Variants in ABCC9 observed in about 807,000 individuals in gnomAD.
ABCC9 encodes the protein ATP binding cassette subfamily C member 9, also known as ATP-binding cassette sub-family C member 9.
A neutral mutation model predicts 188.3 loss-of-function variants in ABCC9; 95 were observed. The ratio of observed to expected loss-of-function variants is 0.50; its 90% CI spans 0.43 to 0.60. The LOEUF is 0.60. ABCC9 is among the 20% of genes least tolerant of loss of function. The pLI, the probability that ABCC9 is intolerant of heterozygous loss-of-function variation, is 0.00. For missense variants in ABCC9, 1,102 were observed against 1,876.3 expected (o/e 0.59, Z 7.62); for synonymous variants, 659 against 652.7 (o/e 1.01, Z -0.15).
intron 24 of ABCC9, among the ~76,000 whole-genome samples, chr12:21,848,606 G>A (rs964225764): frequency 6.6e-6 from 1 of 152,120 alleles, no homozygotes; most frequent in Non-Finnish European, 1.5e-5. Flanking sequence ...TCTAATTAAG[G>A]ATTCATTCAT....
chr12:21,835,269 C>T (rs895673381), intron 30 of ABCC9, among the ~76,000 whole-genome samples: 5 of 152,124 alleles, frequency 3.3e-5, no homozygotes, highest in African/African-American at 1.2e-4. Flanking sequence ...ATCTGGACAC[C>T]TAGTATGTAA....
chr12:21,845,449 T>G (rs1030178841), intron 26 of ABCC9, among the ~76,000 whole-genome samples, 154 bp downstream of exon 26: 2 of 152,136 alleles, frequency 1.3e-5, no homozygotes, highest in African/African-American at 4.8e-5. Context: ...TGATAGTTTA[T>G]TCTATTTCAG....
At chr12:21,820,340 C>T (rs1173923379) in intron 31 of ABCC9, among the ~76,000 whole-genome samples, 1 of 151,986 alleles carries the variant, frequency 6.6e-6, no homozygotes, top group Non-Finnish European at 1.5e-5. Flanking sequence ...TCATTAACTT[C>T]TATTCTCTAC....
intron 7 of ABCC9, among the ~76,000 whole-genome samples, chr12:21,915,446 A>G (rs12368774): frequency 9.3e-6 from 1 of 107,508 alleles, no homozygotes. Flanking sequence ...ATGTGTATAT[A>G]TGTATATATG....
chr12:21,890,249 A>C (rs1173551249), intron 14 of ABCC9, among the ~76,000 whole-genome samples: 1 of 152,126 alleles, frequency 6.6e-6, no homozygotes, highest in Non-Finnish European at 1.5e-5. Flanking sequence ...TGTGCATGTA[A>C]TGACCCGCTT....
intron 5 of ABCC9, among the ~76,000 whole-genome samples, chr12:21,920,056 C>T (rs1381941007): frequency 1.3e-5 from 2 of 151,950 alleles, no homozygotes; most frequent in Non-Finnish European, 2.9e-5. Context: ...ACTTTAATAA[C>T]ACCCTGAGTA....
chr12:21,871,277 G>T (rs1946060194), intron 18 of ABCC9, among the ~76,000 whole-genome samples: 1 of 152,158 alleles, frequency 6.6e-6, no homozygotes, highest in African/African-American at 2.4e-5. Context: ...GAGGATAGTG[G>T]CAGGGGAAAC....
chr12:21,817,423 A>C, intron 32 of ABCC9, 116 bp from the exon 33 acceptor site: 1 of 922,254 alleles, frequency 1.1e-6, no homozygotes, highest in East Asian at 2.6e-5. Context: ...GTGTGATACA[A>C]CTCATAAGTG....
chr12:21,870,904 A>C (rs1946040292), intron 18 of ABCC9, among the ~76,000 whole-genome samples: 4 of 152,228 alleles, frequency 2.6e-5, no homozygotes, highest in Admixed American at 2.6e-4. Flanking sequence ...GCATCCTCAC[A>C]TCATTTCTTT....
chr12:21,805,854 T>G (rs1013627682), intron 39 of ABCC9, 144 bp downstream of exon 39: 9 of 790,834 alleles, frequency 1.1e-5, no homozygotes, highest in African/African-American at 1.7e-5. Context: ...CATCTTCGTA[T>G]TTTTTTTCTT....
rs760680023 is a variant in ABCC9, at chr12:21,906,199, G to A, written c.1545C>T (p.Cys515=). The A allele has an allele frequency of 3.2e-5, 51 of 1,612,984 alleles. No individual in the cohort carries two copies. Among genetic ancestry groups the A allele is most frequent in the Non-Finnish European group, 1.6e-5 (19 of 1,179,382 alleles). The change falls in exon 12 of 40, where the codon TGC becomes TGT. Residue 515 remains cysteine, a synonymous_variant. Transcript: ENST00000261200. ...LKLYAWEHIF[C]KSVEETRMKE... ...TCATTCTTGTTTCCTCCACACTTTT[G>A]CAGAAAATGTGTTCCCAGGCATACA...
At chr12:21,917,152 T>A (rs1200521587) in intron 5 of ABCC9, 49 bp from the exon 6 acceptor site, 3 of 1,568,088 alleles carry the variant, frequency 1.9e-6, no homozygotes, top group Non-Finnish European at 8.8e-7. Context: ...TTCTTAAACA[T>A]CACTAGCATT....
chr12:21,841,029 T>C (rs779150803), intron 29 of ABCC9, among the ~76,000 whole-genome samples: 4 of 152,220 alleles, frequency 2.6e-5, no homozygotes, highest in African/African-American at 7.2e-5. Flanking sequence ...GATTACTTTG[T>C]ATATGTTTTA....
chr12:21,898,963 TAA>T (rs1317020504), intron 12 of ABCC9, among the ~76,000 whole-genome samples: 1 of 152,152 alleles, frequency 6.6e-6, no homozygotes, highest in African/African-American at 2.4e-5. Flanking sequence ...CAAAAATGGC[TAA>T]GTTTTCTTGA....
chr12:21,814,556 C>T, intron 35 of ABCC9, 88 bp downstream of exon 35: 1 of 1,127,762 alleles, frequency 8.9e-7, no homozygotes, highest in Non-Finnish European at 1.3e-6. Flanking sequence ...TAAATATTTG[C>T]TTTTGATTTC....
chr12:21,876,497 A>G (rs937415924), intron 16 of ABCC9, among the ~76,000 whole-genome samples: 2 of 152,224 alleles, frequency 1.3e-5, no homozygotes, highest in Non-Finnish European at 2.9e-5. Context: ...TTAAAAAAAA[A>G]GAGTAAAGAA....
At chr12:21,925,101 G>A (rs1948996230) in intron 5 of ABCC9, 1 of 158,468 alleles carries the variant, frequency 6.3e-6, no homozygotes, top group African/African-American at 2.4e-5. Flanking sequence ...ATCAGAAACA[G>A]TAAGCATCAT....
At chr12:21,878,005 T>TGA (rs1417524769) in intron 16 of ABCC9, among the ~76,000 whole-genome samples, 12 of 7,060 alleles carry the variant, frequency 1.7e-3, no homozygotes, top group African/African-American at 6.5e-3. Context: ...AAGGTTTCAA[T>TGA]GGTGTTAAAA....
chr12:21,809,854 A>G lies in ABCC9; in HGVS notation c.4313T>C (p.Leu1438Pro), dbSNP rs1942111125. Residue 1438 changes from leucine (L) to proline (P), a missense_variant and splice_region_variant, in exon 37 of 40, where the codon CTA becomes CCA. By Grantham distance (98) the Leu-to-Pro change is moderately conservative. Transcript: ENST00000261200. ...KNMVKSLPGG[L>P]DAVVTEGGEN... ...AATATGCTATTTAGGAAATATACCT[A>G]GACCTCCAGGTAGAGATTTGACCAT... 2 of 1,573,612 alleles carry G rather than the reference A, an allele frequency of 1.3e-6. No homozygotes were observed. The highest frequency in any genetic ancestry group is 1.7e-6 in the Non-Finnish European group (2 of 1,144,596).
Sources: gnomAD v4.1 joint callset for allele counts (sites outside exome capture counted in the v4.1 genomes callset) on GRCh38, gnomAD v4.1.1 for gene constraint, MANE v1.5 for transcripts, NCBI Gene and HGNC (gene_info 2026-07-23, HGNC 2026-07-21) for gene names.